SCAPER: variants seen among roughly 807,000 people sequenced by gnomAD.
SCAPER encodes the protein S-phase cyclin A associated protein in the ER.
In SCAPER, 98 loss-of-function variants were observed where a neutral mutation model predicts 182.2. The ratio of observed to expected loss-of-function variants is 0.54; its 90% CI spans 0.46 to 0.64. SCAPER has a LOEUF of 0.64. Ranked by LOEUF, SCAPER falls within the 30% of genes least tolerant of loss-of-function variation. The probability of loss-of-function intolerance (pLI) is 0.00; values close to 1 mark genes in which losing one functional copy is unlikely to be tolerated. For missense variants in SCAPER, 1,432 were observed against 1,690.0 expected, an observed-to-expected ratio of 0.85 and a Z score of 2.68; for synonymous variants, 605 against 564.6, an observed-to-expected ratio of 1.07 and a Z score of -1.01.
In SCAPER at chr15:76,686,891, T is replaced by C. The variant is rs143698733; in HGVS notation, c.2508+14867A>G. Reference sequence around the variant, plus strand: ...AGACCTACATTCAAAAAAATCAAAATATAAATTATGAATGGGACAAGAGGG... The same window carrying C: ...AGACCTACATTCAAAAAAATCAAAACATAAATTATGAATGGGACAAGAGGG... On this transcript the variant is annotated intron_variant, in intron 20 of 31. Coordinates refer to ENST00000563290, the MANE Select transcript of SCAPER (RefSeq NM_020843.4). Among the ~76,000 whole-genome samples, 543 of 152,086 alleles carry C rather than the reference T, an allele frequency of 3.6e-3. 3 individuals carry two copies. Among genetic ancestry groups the C allele is most frequent in the Non-Finnish European group, 6.8e-3 (465 of 67,950 alleles).
intron 27 of SCAPER, among the ~76,000 whole-genome samples, chr15:76,389,941 G>A (rs566130611): frequency 6.6e-6 from 1 of 152,138 alleles, no homozygotes; most frequent in Non-Finnish European, 1.5e-5. Flanking sequence ...TGAGTTTCAG[G>A]TGAACTCAAA....
At chr15:76,887,425 C>T (rs977425022) in intron 1 of SCAPER, among the ~76,000 whole-genome samples, 1 of 152,128 alleles carries the variant, frequency 6.6e-6, no homozygotes, top group African/African-American at 2.4e-5. Context: ...CAGACTGTAC[C>T]TGGAAAATCG....
At chr15:76,554,813 G>A (rs1402513268) in intron 23 of SCAPER, among the ~76,000 whole-genome samples, 4 of 148,110 alleles carry the variant, frequency 2.7e-5, no homozygotes, top group Middle Eastern at 3.5e-3. Flanking sequence ...TTGAGACAGA[G>A]TCACCAGGCT....
chr15:76,778,410 T>C (rs577898389), intron 8 of SCAPER, among the ~76,000 whole-genome samples: 6 of 152,084 alleles, frequency 3.9e-5, no homozygotes, highest in African/African-American at 1.4e-4. Context: ...CCTATACAAA[T>C]CAATATTGTT....
intron 20 of SCAPER, among the ~76,000 whole-genome samples, chr15:76,700,184 C>T (rs1332172794): frequency 1.3e-5 from 2 of 152,360 alleles, no homozygotes; most frequent in South Asian, 4.1e-4. Flanking sequence ...ACTGTCAAGA[C>T]AGCCCTGCTG....
chr15:76,894,044 A>T (rs1387216661), intron 1 of SCAPER, among the ~76,000 whole-genome samples: 3 of 152,198 alleles, frequency 2.0e-5, no homozygotes, highest in Non-Finnish European at 4.4e-5. Flanking sequence ...TGCGGTCAGG[A>T]GTTCAAGACC....
At chr15:76,544,518 T>C (rs1258380397) in intron 23 of SCAPER, among the ~76,000 whole-genome samples, 1 of 152,198 alleles carries the variant, frequency 6.6e-6, no homozygotes, top group East Asian at 1.9e-4. Context: ...AGCTATAATG[T>C]AGATGAGCCT....
intron 27 of SCAPER, among the ~76,000 whole-genome samples, chr15:76,386,405 C>T (rs1038035013): frequency 2.0e-5 from 3 of 152,166 alleles, no homozygotes. Context: ...ATGTGGCAAG[C>T]CCTATTCTAG....
intron 24 of SCAPER, among the ~76,000 whole-genome samples, chr15:76,491,113 A>G (rs1383392882): frequency 6.6e-6 from 1 of 152,228 alleles, no homozygotes; most frequent in African/African-American, 2.4e-5. Flanking sequence ...TAGCTAAAAA[A>G]AAATCAGTTG....
chr15:76,721,329 C>G (rs1327958527), intron 17 of SCAPER, among the ~76,000 whole-genome samples: 3 of 151,888 alleles, frequency 2.0e-5, no homozygotes, highest in Non-Finnish European at 4.4e-5. Flanking sequence ...GTTACTGTAG[C>G]CTTGTAGTAT....
intron 23 of SCAPER, among the ~76,000 whole-genome samples, chr15:76,550,085 A>G (rs1033633069): frequency 6.6e-6 from 1 of 152,232 alleles, no homozygotes; most frequent in Admixed American, 6.5e-5. Flanking sequence ...AGAATGTATA[A>G]GGAACTCAAA....
intron 16 of SCAPER, among the ~76,000 whole-genome samples, chr15:76,730,978 G>T (rs181776633): frequency 8.0e-4 from 122 of 152,186 alleles, no homozygotes; most frequent in African/African-American, 2.9e-3. Context: ...AACTTGAAAA[G>T]AGAACTGGTA....
At chr15:76,410,784 C>CTT (rs532693633) in intron 26 of SCAPER, among the ~76,000 whole-genome samples, 6 of 144,554 alleles carry the variant, frequency 4.2e-5, no homozygotes, top group African/African-American at 1.5e-4. Flanking sequence ...TCTATTCTTG[C>CTT]TTTTTTTTTT....
chr15:76,808,068 AAT>A (rs2066307366), intron 5 of SCAPER, among the ~76,000 whole-genome samples: 2 of 152,020 alleles, frequency 1.3e-5, no homozygotes, highest in African/African-American at 4.8e-5. Context: ...GATCCCAGAG[AAT>A]AAAGAGGTGA....
intron 2 of SCAPER, among the ~76,000 whole-genome samples, chr15:76,876,438 C>CAAAAA (rs33959211): frequency 4.1e-5 from 5 of 122,726 alleles, no homozygotes; most frequent in African/African-American, 6.5e-5. Flanking sequence ...AAAACAAAAG[C>CAAAAA]AAAAAAAAAA....
chr15:76,387,929 T>C (rs2043396871), intron 27 of SCAPER, among the ~76,000 whole-genome samples: 1 of 152,184 alleles, frequency 6.6e-6, no homozygotes, highest in South Asian at 2.1e-4. Flanking sequence ...TGCCTACCAG[T>C]TCAAATGAGA....
Position 76,841,749 on chromosome 15 carries a change from A to G in SCAPER, c.378T>C (p.Ser126=). The G allele has an allele frequency of 6.2e-7, 1 of 1,613,760 alleles. No homozygotes were observed. The highest frequency in any genetic ancestry group is 8.5e-7 in the Non-Finnish European group (1 of 1,179,832). ...CAAACCTTACCTTACATTCGACCAC[A>G]CTCTGATCTGATTCGCAAGTTACAT... ...EIYVTCESDQ[S]VVECKEVLMM... is the part of the protein sequence containing the mutation. The change falls in exon 5 of 32, where the codon AGT becomes AGC. Residue 126 remains serine, a synonymous_variant. Coordinates refer to ENST00000563290, the MANE Select transcript of SCAPER (RefSeq NM_020843.4).
At chr15:76,440,645 A>G (rs576534124) in intron 25 of SCAPER, among the ~76,000 whole-genome samples, 1 of 152,254 alleles carries the variant, frequency 6.6e-6, no homozygotes, top group African/African-American at 2.4e-5. Context: ...AAAGGCAAAA[A>G]ACGTGGAAGG....
At chr15:76,739,896 GCTGCTCACAT>G (rs1340940391) in intron 15 of SCAPER, among the ~76,000 whole-genome samples, 1 of 152,238 alleles carries the variant, frequency 6.6e-6, no homozygotes, top group Non-Finnish European at 1.5e-5. Flanking sequence ...GCCAGGCACA[GCTGCTCACAT>G]CTGTAATCCC....
Sources: gnomAD v4.1 joint callset for allele counts (sites outside exome capture counted in the v4.1 genomes callset) on GRCh38, gnomAD v4.1.1 for gene constraint, MANE v1.5 for transcripts, NCBI Gene and HGNC (gene_info 2026-07-23, HGNC 2026-07-21) for gene names.